Variants in COL4A1 observed in about 807,000 individuals in gnomAD.
COL4A1 encodes the protein collagen type IV alpha 1 chain.
Under a neutral mutation model 216.6 loss-of-function variants are expected in COL4A1, and 40 were observed. The observed-to-expected ratio is 0.18, with a 90% CI of 0.14 to 0.24. The LOEUF is 0.24. Ranked by LOEUF, COL4A1 falls within the 10% of genes least tolerant of loss-of-function variation. The pLI is 1.00. For synonymous variants in COL4A1, 839 were observed against 810.7 expected, an observed-to-expected ratio of 1.03 and a Z score of -0.59; for missense variants, 1,628 against 2,196.8, an observed-to-expected ratio of 0.74 and a Z score of 5.18.
In COL4A1 at chr13:110,150,239, A is replaced by G; in HGVS notation, c.*124T>C. ...GTGTGTTAGTTACGCAAATTCCTAT[A>G]AGGCACTTTACGGTTTTCATATTGG... On this transcript the variant is annotated 3_prime_UTR_variant, in exon 52 of 52. Coordinates refer to ENST00000375820, the MANE Select transcript of COL4A1 (RefSeq NM_001845.6). The G allele has an allele frequency of 2.2e-6, 2 of 912,548 alleles. No individual in the cohort carries two copies. The highest frequency in any genetic ancestry group is 3.5e-6 in the Non-Finnish European group (2 of 574,834). The allele number at this position is 912,548 out of a possible 1,614,324, so 56.5% of individuals were successfully genotyped here. A position where few individuals can be genotyped will look rare whatever the true frequency, so the allele number is the denominator to read the frequency against.
intron 2 of COL4A1, among the ~76,000 whole-genome samples, chr13:110,236,516 G>A (rs1881323370): frequency 6.6e-6 from 1 of 152,314 alleles, no homozygotes; most frequent in South Asian, 2.1e-4. Context: ...TGTGAAAAGG[G>A]AAAAGAAGAT....
At chr13:110,236,864 T>C (rs1483358956) in intron 2 of COL4A1, among the ~76,000 whole-genome samples, 3 of 152,178 alleles carry the variant, frequency 2.0e-5, no homozygotes, top group African/African-American at 4.8e-5. Flanking sequence ...GTGGGATGCA[T>C]ATTTTGATGG....
At chr13:110,299,988 G>A (rs3908617) in intron 1 of COL4A1, among the ~76,000 whole-genome samples, 3,658 of 152,118 alleles carry the variant, frequency 0.024, 140 homozygotes, top group African/African-American at 0.082. Context: ...TCAGAAATCA[G>A]GCATTACTTG....
intron 50 of COL4A1, among the ~76,000 whole-genome samples, 158 bp from the exon 51 acceptor site, chr13:110,152,664 C>T (rs771630694): frequency 6.6e-6 from 1 of 152,268 alleles, no homozygotes; most frequent in Non-Finnish European, 1.5e-5. Flanking sequence ...CCCAAATTAT[C>T]GGGCTGGCCC....
chr13:110,163,475 C>T lies in COL4A1; in HGVS notation c.4237G>A (p.Ala1413Thr). 6.2e-7 allele frequency: 1 copy of T among 1,614,070 alleles called. No homozygotes were observed. Among genetic ancestry groups the T allele is most frequent in the Middle Eastern group, 1.6e-4 (1 of 6,062 alleles). The stretch of plus-strand genomic sequence containing the variant: ...TTTCGCAACCTACCAGTAGGCCCGG[C>T]AGGTCCCATCTCTCCTTTCTGGCCA... Reference protein sequence around the residue: ...APGQKGEMGPAGPTGPRGFPG... With the variant: ...APGQKGEMGPTGPTGPRGFPG... Residue 1413 changes from alanine to threonine, a missense_variant, in exon 47 of 52, where the codon GCC becomes ACC. Ala to Thr is a moderately conservative substitution (Grantham distance 58). This residue lies in a region of COL4A1 where 345 missense variants were observed against 476.9 expected (regional missense o/e 0.72). Transcript: ENST00000375820.
chr13:110,192,513 G>GC (rs1270654159), intron 23 of COL4A1, among the ~76,000 whole-genome samples: 3 of 152,028 alleles, frequency 2.0e-5, no homozygotes, highest in Admixed American at 6.6e-5. Context: ...CCCCACACCT[G>GC]CCCCCCTGCC....
At chr13:110,185,772 C>A (rs1303977236) in intron 26 of COL4A1, among the ~76,000 whole-genome samples, 1 of 152,180 alleles carries the variant, frequency 6.6e-6, no homozygotes, top group Non-Finnish European at 1.5e-5. Context: ...ACGAGGGAGC[C>A]CACACTCATC....
chr13:110,222,729 T>C lies in COL4A1; in HGVS notation c.145-8714A>G, dbSNP rs1035693051. Among the ~76,000 whole-genome samples the C allele has an allele frequency of 9.7e-4, 111 of 114,576 alleles. 5 individuals carry two copies. Among genetic ancestry groups the C allele is most frequent in the Admixed American group, 2.1e-3 (18 of 8,480 alleles). The allele number at this position is 114,576 out of a possible 152,430, so 75.2% of individuals were successfully genotyped here. Reference sequence around the variant, plus strand: ...CAGAGCTTGCAGTGAGCCGAGATCGTGCCACTGCACTCCAGCCTGGGCGAC... The same window carrying C: ...CAGAGCTTGCAGTGAGCCGAGATCGCGCCACTGCACTCCAGCCTGGGCGAC... On this transcript the variant is annotated intron_variant, in intron 2 of 51. Transcript: ENST00000375820.
In COL4A1 at chr13:110,207,406, T is replaced by C; in HGVS notation, c.777A>G (p.Glu259=). The change falls in exon 13 of 52, where the codon GAA becomes GAG. Residue 259 remains glutamate, a synonymous_variant. Transcript: ENST00000375820. The surrounding 1 kb of genome is among the most constrained non-coding windows in gnomAD (Gnocchi z 4.4). ...QEKGDFATKG[E]KGQKGEPGFQ... ...CACTGATGAAGCCCACTCATACCTT[T>C]TCTCCCTTGGTGGCGAAGTCTCCTT... 6.2e-7 allele frequency: 1 copy of C among 1,613,550 alleles called. No individual in the cohort carries two copies. The highest frequency in any genetic ancestry group is 8.5e-7 in the Non-Finnish European group (1 of 1,179,458).
chr13:110,182,135 C>G (rs1044735897), intron 28 of COL4A1, among the ~76,000 whole-genome samples: 2 of 152,110 alleles, frequency 1.3e-5, no homozygotes, highest in Non-Finnish European at 2.9e-5. Flanking sequence ...GTGAGTGTGA[C>G]GAGGCCTCAG....
At chr13:110,258,176 A>G (rs1301885471) in intron 1 of COL4A1, among the ~76,000 whole-genome samples, 4 of 152,232 alleles carry the variant, frequency 2.6e-5, no homozygotes, top group Admixed American at 1.3e-4. Context: ...ACCTTTTGCT[A>G]CCACATACTG....
At chr13:110,298,831 G>A (rs990912660) in intron 1 of COL4A1, 5 of 152,294 alleles carry the variant, frequency 3.3e-5, no homozygotes, top group Non-Finnish European at 7.3e-5. Context: ...CGCCGCAGAG[G>A]ATGGCAAAAC....
Position 110,272,611 on chromosome 13 carries a change from T to C in COL4A1, c.85-29877A>G, listed in dbSNP as rs79188961. Among the ~76,000 whole-genome samples the C allele has an allele frequency of 5.6e-3, 857 of 152,200 alleles. 6 individuals are homozygous for C. The highest frequency in any genetic ancestry group is 0.021 in the Middle Eastern group (6 of 292). Reference sequence around the variant, plus strand: ...GGAACTCTTCTCAGCATTGCACACATGGATGTTCCACAATGGTGACACTTC... The same window carrying C: ...GGAACTCTTCTCAGCATTGCACACACGGATGTTCCACAATGGTGACACTTC... On this transcript the variant is annotated intron_variant, in intron 1 of 51. Transcript: ENST00000375820.
At chr13:110,265,603 T>G (rs1882998527) in intron 1 of COL4A1, 1 of 152,210 alleles carries the variant, frequency 6.6e-6, no homozygotes, top group South Asian at 2.1e-4. Context: ...TCCACACAGG[T>G]GGCTGCAACC....
chr13:110,165,390 T>A (rs1333917151), intron 45 of COL4A1, among the ~76,000 whole-genome samples: 1 of 152,158 alleles, frequency 6.6e-6, no homozygotes, highest in Non-Finnish European at 1.5e-5. Flanking sequence ...ATCTGAAACC[T>A]GCCTTACTGT....
chr13:110,163,581 A>G lies in COL4A1; in HGVS notation c.4151-20T>C, dbSNP rs112561721. 3.7e-5 allele frequency: 59 copies of G among 1,602,048 alleles called. 1 individual carries two copies. The African/African-American group carries it at 5.8e-4, about 16-fold the overall frequency. ...TAACACCTGAGGCAGAGGAAAAATA[A>G]TTTATGATCCTGTATGGCAGTAAGC... On this transcript the variant is annotated intron_variant, in intron 46 of 51. Transcript: ENST00000375820.
intron 46 of COL4A1, among the ~76,000 whole-genome samples, chr13:110,164,432 T>C (rs1169948511): frequency 6.6e-6 from 1 of 152,222 alleles, no homozygotes; most frequent in African/African-American, 2.4e-5. Context: ...CAGAAGACTA[T>C]GTTAGGGTTT....
chr13:110,288,429 G>A (rs551939639), intron 1 of COL4A1, among the ~76,000 whole-genome samples: 2 of 152,222 alleles, frequency 1.3e-5, no homozygotes, highest in African/African-American at 4.8e-5. Flanking sequence ...TGGCTCAGGA[G>A]ATCAGCATAA....
In COL4A1 at chr13:110,162,246, G is replaced by A. The variant is rs137870576; in HGVS notation, c.4446C>T (p.Ala1482=). The part of the protein sequence containing the change: ...SLLYVQGNER[A]HGQDLGTAGS... Reference sequence around the variant, plus strand: ...GCTTCTTACCCAAGTCCTGGCCATGGGCCCGTTCATTGCCTTGCACGTAGA... The same window carrying A: ...GCTTCTTACCCAAGTCCTGGCCATGAGCCCGTTCATTGCCTTGCACGTAGA... The change falls in exon 48 of 52, where the codon GCC becomes GCT. Residue 1482 remains alanine, a synonymous_variant. Transcript: ENST00000375820. 25 of 1,614,066 alleles carry A rather than the reference G, an allele frequency of 1.5e-5. No individual in the cohort carries two copies. In the African/African-American group the frequency reaches 2.8e-4, roughly 18 times the overall value.
Sources: gnomAD v4.1 joint callset for allele counts (sites outside exome capture counted in the v4.1 genomes callset) on GRCh38, gnomAD v4.1.1 for gene constraint, gnomAD v4.1.1 regional missense constraint, Gnocchi (gnomAD v3.1) non-coding constraint, MANE v1.5 for transcripts, NCBI Gene and HGNC (gene_info 2026-07-23, HGNC 2026-07-21) for gene names.